The following MYH3 variants were observed in gnomAD, a reference collection of about 807,000 sequenced individuals.
MYH3 encodes myosin heavy chain 3.
In MYH3, 130 loss-of-function variants were observed where a neutral mutation model predicts 238.0. The ratio of observed to expected loss-of-function variants is 0.55; its 90% confidence interval spans 0.47 to 0.63. The LOEUF is 0.63. Ranked by LOEUF, MYH3 falls within the 30% of genes least tolerant of loss-of-function variation. The probability of loss-of-function intolerance (pLI) is 0.00; values close to 1 mark genes in which losing one functional copy is unlikely to be tolerated. For synonymous variants in MYH3, 880 were observed against 924.1 expected (o/e 0.95, Z 0.86); for missense variants, 1,853 against 2,374.9 (o/e 0.78, Z 4.57).
intron 2 of MYH3, among the ~76,000 whole-genome samples, 182 bp from the exon 3 acceptor site, chr17:10,655,254 A>G (rs1432161788): frequency 1.3e-5 from 2 of 152,122 alleles, no homozygotes; most frequent in Non-Finnish European, 2.9e-5. Flanking sequence ...CAGTGCTGGG[A>G]AATCACACGG....
chr17:10,644,370 G>A lies in MYH3; in HGVS notation c.1391C>T (p.Ala464Val). ...ACAAACCTCAAAGATTTCAAAGCCT[G>A]CAATGTCCAAAACACCAATGAAGTG... ...RQHFIGVLDI[A>V]GFEIFEYNSL... The change falls in exon 14 of 41, where the codon GCA becomes GTA. Residue 464 changes from alanine to valine, a missense_variant. Transcript: ENST00000583535. 6.2e-7 allele frequency: 1 copy of A among 1,614,104 alleles called. No individual in the cohort carries two copies. The highest frequency in any genetic ancestry group is 8.5e-7 in the Non-Finnish European group (1 of 1,179,962).
upstream of MYH3, among the ~76,000 whole-genome samples, chr17:10,661,938 G>A (rs922970433): frequency 2.0e-5 from 3 of 152,090 alleles, no homozygotes; most frequent in Admixed American, 1.3e-4. Flanking sequence ...GTCTCAAGAA[G>A]AAATTCAAGA....
intron 6 of MYH3, among the ~76,000 whole-genome samples, chr17:10,650,089 A>G (rs371981590): frequency 7.9e-5 from 12 of 152,086 alleles, no homozygotes; most frequent in African/African-American, 2.4e-4. Context: ...CTCCTGCCTC[A>G]GCCTCCTGAG....
chr17:10,670,471 G>T, the MYH3 span, among the ~76,000 whole-genome samples: 19,142 of 152,006 alleles, frequency 0.13, 2,542 homozygotes, highest in African/African-American at 0.34. The surrounding 1 kb of genome is among the most constrained non-coding windows in gnomAD (Gnocchi z 7.0). Context: ...AATTTACAGT[G>T]TTTTGTTTGT....
Position 10,634,942 on chromosome 17 carries a change from G to C in MYH3, c.4254C>G (p.Thr1418=). 1.9e-6 allele frequency: 3 copies of C among 1,613,978 alleles called. No individual in the cohort carries two copies. Among genetic ancestry groups the C allele is most frequent in the Non-Finnish European group, 2.5e-6 (3 of 1,180,012 alleles). Residue 1418 remains threonine, a synonymous_variant, in exon 31 of 41, where the codon ACC becomes ACG. Coordinates refer to ENST00000583535, the MANE Select transcript of MYH3 (RefSeq NM_002470.4). ...CCACCTCTCCTTGCAGCCTCTGCTT[G>C]GTCTTCTCCAGTGAAGCACATTTAG... The part of the protein sequence containing the change: ...VNAKCASLEK[T]KQRLQGEVED...
chr17:10,651,807 G>A (rs545815874), intron 4 of MYH3, 139 bp from the exon 5 acceptor site: 32 of 1,230,132 alleles, frequency 2.6e-5, no homozygotes, highest in African/African-American at 4.8e-5. Flanking sequence ...GCAGTGGCAC[G>A]ATCTTGGCTC....
At position 10,631,920 on chromosome 17, in the gene MYH3, C is replaced by G; in HGVS notation, c.5053G>C (p.Glu1685Gln). ...AGAGTAGCCCGCAGCTCCTCCACCT[C>G]GGCCTGCAGCAGGTTGGCTCTGCGC... The part of the protein sequence containing the change: ...VERRANLLQA[E>Q]VEELRATLEQ... Residue 1685 changes from glutamate (E) to glutamine (Q), a missense_variant, in exon 35 of 41, where the codon GAG becomes CAG. Glu to Gln is a conservative substitution (Grantham distance 29). Coordinates refer to ENST00000583535, the MANE Select transcript of MYH3 (RefSeq NM_002470.4). The G allele has an allele frequency of 6.2e-7, 1 of 1,614,150 alleles. No homozygotes were observed. Among genetic ancestry groups the G allele is most frequent in the Non-Finnish European group, 8.5e-7 (1 of 1,180,036 alleles).
rs1368498967 is a variant in MYH3 at position 10,629,581 on chromosome 17, C to A, written c.5796+16G>T. ...ACAGTCCCTGGGGGGGGGCTCCTCC[C>A]AGCTCAGCGACTCACCCTGCTGGAG... On this transcript the variant is annotated intron_variant, in intron 40 of 40. Coordinates refer to ENST00000583535, the MANE Select transcript of MYH3 (RefSeq NM_002470.4). 1 of 1,612,598 alleles carries A rather than the reference C, an allele frequency of 6.2e-7. No individual in the cohort carries two copies. Among genetic ancestry groups the A allele is most frequent in the South Asian group, 1.1e-5 (1 of 91,002 alleles).
At chr17:10,635,255 G>T in intron 30 of MYH3, 112 bp downstream of exon 30, 2 of 1,555,430 alleles carry the variant, frequency 1.3e-6, no homozygotes, top group East Asian at 2.3e-5. Context: ...TCCCTCTAAT[G>T]GCCCAGCACC....
chr17:10,638,787 A>T, intron 26 of MYH3, 86 bp downstream of exon 26: 1 of 1,393,756 alleles, frequency 7.2e-7, no homozygotes, highest in Non-Finnish European at 1.0e-6. Flanking sequence ...AGTCTTGCCC[A>T]CTTTCTCTAA....
intron 5 of MYH3, among the ~76,000 whole-genome samples, chr17:10,650,903 T>C (rs2074367579): frequency 6.6e-6 from 1 of 152,078 alleles, no homozygotes; most frequent in Admixed American, 6.6e-5. Flanking sequence ...AATCAGCCAG[T>C]GGCAGCCGGG....
rs1255858548 is a variant in MYH3 at position 10,652,456 on chromosome 17, G to T, written c.312C>A (p.Tyr104Ter). The change falls in exon 4 of 41, where the codon TAC becomes TAA. Residue 104 changes from tyrosine (Y) to a stop codon, truncating the protein, a stop_gained. Coordinates refer to ENST00000583535, the MANE Select transcript of MYH3 (RefSeq NM_002470.4). LOFTEE classifies it high-confidence loss of function. ...AAGATGTGTAACGGTCCTTCAGGTT[G>T]TACAGCACGGCTGGCTCATTCAGGT... ...LTHLNEPAVL[Y>*]NLKDRYTSWM... 6.2e-7 allele frequency: 1 copy of T among 1,614,072 alleles called. No homozygotes were observed. Among genetic ancestry groups the T allele is most frequent in the East Asian group, 2.2e-5 (1 of 44,862 alleles).
At chr17:10,632,909 CT>C in intron 33 of MYH3, 125 bp from the exon 34 acceptor site, 1 of 1,161,536 alleles carries the variant, frequency 8.6e-7, no homozygotes, top group Non-Finnish European at 1.3e-6. Context: ...TCACAATTCA[CT>C]TTTTAAATGT....
At chr17:10,658,118 C>T (rs539783221), upstream of MYH3, among the ~76,000 whole-genome samples, 15 of 152,094 alleles carry the variant, frequency 9.9e-5, no homozygotes, top group African/African-American at 2.2e-4. Flanking sequence ...GTAGGGGGAA[C>T]GGTGGTGGCC....
rs2074300603 is a variant in MYH3 at position 10,644,407 on chromosome 17, G to A, written c.1354C>T (p.Leu452Phe). ...ACACCAATGAAGTGTTGTCTTGGAAGCTTCGTATCCAGTTGCTGGTTAATG... is the reference window on the plus strand; with the variant it reads ...ACACCAATGAAGTGTTGTCTTGGAAACTTCGTATCCAGTTGCTGGTTAATG... ...TRINQQLDTK[L>F]PRQHFIGVLD... Residue 452 changes from leucine (L) to phenylalanine (F), a missense_variant, in exon 14 of 41, where the codon CTT (leucine) becomes TTT (phenylalanine). By Grantham distance (22) the Leu-to-Phe change is conservative (BLOSUM62 0). Around this residue, in one of 3 missense-constraint regions of MYH3, gnomAD observed 678 missense variants for 1,058.9 expected, o/e 0.64. Coordinates refer to ENST00000583535, the MANE Select transcript of MYH3 (RefSeq NM_002470.4). 1.2e-6 allele frequency: 2 copies of A among 1,614,160 alleles called. No individual in the cohort carries two copies. Among genetic ancestry groups the A allele is most frequent in the Non-Finnish European group, 1.7e-6 (2 of 1,179,976 alleles).
the MYH3 span, chr17:10,673,585 C>A: frequency 1.3e-5 from 2 of 152,110 alleles, no homozygotes; most frequent in Non-Finnish European, 2.9e-5. Flanking sequence ...AGAGCCTGGG[C>A]TGACAGGGAA....
Position 10,640,098 on chromosome 17 carries a change from G to A in MYH3, c.2580C>T (p.Thr860=), listed in dbSNP as rs2074255790. ...CCTCCGACTTGGCGAGTTCATCTTT[G>A]GTTTTCTGGAATTCTTCCTTCATGG... is the stretch of plus-strand genomic sequence containing the variant. The part of the protein sequence containing the change: ...MATMKEEFQK[T]KDELAKSEAK... The change falls in exon 22 of 41, where the codon ACC becomes ACT. Residue 860 remains threonine, a synonymous_variant. Transcript: ENST00000583535. 2.5e-6 allele frequency: 4 copies of A among 1,613,954 alleles called. No homozygotes were observed. In the South Asian group the frequency reaches 3.3e-5, roughly 13 times the overall value.
At position 10,628,601 on chromosome 17, in the gene MYH3, T is replaced by A; in HGVS notation, c.*52A>T. On this transcript the variant is annotated 3_prime_UTR_variant, in exon 41 of 41. Transcript: ENST00000583535. ...GACATTAAGTATCAATGGTCAGGAA[T>A]CAAGAAAATATACATTTTGCATATC... 1 of 1,595,034 alleles carries A rather than the reference T, an allele frequency of 6.3e-7. No homozygotes were observed.
At position 10,654,135 on chromosome 17, in the gene MYH3, TTTTC is replaced by T. The variant is rs201455783; in HGVS notation, c.204+722_204+725del. Among the ~76,000 whole-genome samples, 1,189 of 146,872 alleles carry T rather than the reference TTTTC, an allele frequency of 8.1e-3. 5 individuals carry two copies. The highest frequency in any genetic ancestry group is 0.012 in the Admixed American group (180 of 14,686). The stretch of plus-strand genomic sequence containing the variant: ...GTATTTCCTTTACTTGTCTCTTTTA[TTTTC>T]TTTCTTTCTTTCTCTTTCTTTCTTT... On this transcript the variant is annotated intron_variant, in intron 3 of 40. Coordinates refer to ENST00000583535, the MANE Select transcript of MYH3 (RefSeq NM_002470.4). The surrounding 1 kb of genome is among the most constrained non-coding windows in gnomAD (Gnocchi z 4.5).
Sources: allele counts gnomAD v4.1 joint callset (sites outside exome capture counted in the v4.1 genomes callset), GRCh38; gene constraint gnomAD v4.1.1; regional missense constraint gnomAD v4.1.1; non-coding constraint Gnocchi (gnomAD v3.1); transcripts MANE v1.5; gene names NCBI Gene and HGNC (gene_info 2026-07-23, HGNC 2026-07-21).